Variants in TRERF1 observed in about 807,000 individuals in gnomAD.
TRERF1 encodes the protein transcriptional regulating factor 1.
In TRERF1, 27 loss-of-function variants were observed where a neutral mutation model predicts 122.9. The ratio of observed to expected loss-of-function variants is 0.22; its 90% CI spans 0.16 to 0.30. TRERF1 has a LOEUF of 0.30. Ranked by LOEUF, TRERF1 falls within the 10% of genes least tolerant of loss-of-function variation. TRERF1 has a pLI of 1.00. For missense variants in TRERF1, 1,248 were observed against 1,560.3 expected (o/e 0.80, Z 3.37); for synonymous variants, 636 against 641.7 (o/e 0.99, Z 0.13).
chr6:42,354,470 T>C (rs1770123523), intron 3 of TRERF1, among the ~76,000 whole-genome samples: 1 of 152,096 alleles, frequency 6.6e-6, no homozygotes, highest in African/African-American at 2.4e-5. Flanking sequence ...CTTTTGTTTC[T>C]AAGTAATATT....
chr6:42,420,425 C>T (rs1782595978), intron 2 of TRERF1, among the ~76,000 whole-genome samples: 1 of 152,192 alleles, frequency 6.6e-6, no homozygotes, highest in South Asian at 2.1e-4. Flanking sequence ...AGAGCTTCCC[C>T]AGCCCACACA....
rs1388747001 is a variant in TRERF1, at chr6:42,276,036, C to A, written c.-258-6188G>T. ...TCAACCAATTAAAAATGTAAAAATC[C>A]TTCTTCACTCACAGGCAGTACAAGA... On this transcript the variant is annotated intron_variant, in intron 4 of 17. Transcript: ENST00000372922. This position sits in a 1 kb window ranked among gnomAD's most constrained non-coding sequence, Gnocchi z 4.3. Among the ~76,000 whole-genome samples the A allele has an allele frequency of 2.0e-5, 3 of 150,318 alleles. No homozygotes were observed. The highest frequency in any genetic ancestry group is 4.4e-5 in the Non-Finnish European group (3 of 68,032).
chr6:42,338,030 G>C (rs1034779091), intron 3 of TRERF1, among the ~76,000 whole-genome samples: 1 of 152,160 alleles, frequency 6.6e-6, no homozygotes, highest in South Asian at 2.1e-4. Context: ...ATTTTAACAA[G>C]AGCCCCCAGG....
chr6:42,436,800 CA>C (rs775861205), intron 2 of TRERF1, among the ~76,000 whole-genome samples: 2,063 of 77,166 alleles, frequency 0.027, 32 homozygotes, highest in African/African-American at 0.043. Flanking sequence ...TCTCCCTCTA[CA>C]AAAAAAAAAA....
chr6:42,333,345 G>C (rs1765560982), intron 3 of TRERF1, among the ~76,000 whole-genome samples: 1 of 152,202 alleles, frequency 6.6e-6, no homozygotes, highest in Non-Finnish European at 1.5e-5. Context: ...CAATGCTTAA[G>C]AGCTTACTTG....
Position 42,275,365 on chromosome 6 carries a change from G to C in TRERF1, c.-258-5517C>G, listed in dbSNP as rs1040659967. ...TCGGTCAATTTCTTCCTTAGAGCAG[G>C]ACTCCAGGATTCCAGGGTGGGCTCA... On this transcript the variant is annotated intron_variant, in intron 4 of 17. Transcript: ENST00000372922. The surrounding 1 kb of genome is among the most constrained non-coding windows in gnomAD (Gnocchi z 4.1). Among the ~76,000 whole-genome samples the C allele has an allele frequency of 3.9e-5, 6 of 152,176 alleles. No individual in the cohort carries two copies. The highest frequency in any genetic ancestry group is 2.9e-5 in the Non-Finnish European group (2 of 68,030).
Position 42,393,267 on chromosome 6 carries a change from T to TGGA in TRERF1, c.-453-30189_-453-30188insTCC, listed in dbSNP as rs1778061010. Reference sequence around the variant, plus strand: ...CCTGGCCAGAAAGGCATTCCTGCCTTCATTTTGCAGATAAATAAACTGGGT... The same window carrying TGGA: ...CCTGGCCAGAAAGGCATTCCTGCCTTGGACATTTTGCAGATAAATAAACTGGGT... On this transcript the variant is annotated intron_variant, in intron 2 of 17. Transcript: ENST00000372922. The surrounding 1 kb of genome is among the most constrained non-coding windows in gnomAD (Gnocchi z 4.1). Among the ~76,000 whole-genome samples the TGGA allele has an allele frequency of 6.6e-6, 1 of 152,232 alleles. No individual in the cohort carries two copies. Among genetic ancestry groups the TGGA allele is most frequent in the Non-Finnish European group, 1.5e-5 (1 of 68,036 alleles).
intron 4 of TRERF1, among the ~76,000 whole-genome samples, chr6:42,282,386 A>G (rs1160215914): frequency 6.6e-6 from 1 of 152,172 alleles, no homozygotes; most frequent in Non-Finnish European, 1.5e-5. Flanking sequence ...TGTCTCTACA[A>G]AAAATACAAA....
intron 4 of TRERF1, among the ~76,000 whole-genome samples, chr6:42,271,376 G>A (rs1780188330): frequency 6.6e-6 from 1 of 151,942 alleles, no homozygotes; most frequent in African/African-American, 2.4e-5. Context: ...CACAATAAAT[G>A]CTGATCCTTG....
chr6:42,270,549 T>C (rs1780031637), intron 4 of TRERF1, among the ~76,000 whole-genome samples: 1 of 152,164 alleles, frequency 6.6e-6, no homozygotes, highest in African/African-American at 2.4e-5. Context: ...GAGAAATGAC[T>C]AAGACATAGG....
intron 16 of TRERF1, among the ~76,000 whole-genome samples, chr6:42,233,873 A>G (rs1484804854): frequency 1.3e-5 from 2 of 152,250 alleles, no homozygotes; most frequent in Non-Finnish European, 2.9e-5. Context: ...AGCCTTAATC[A>G]GTAGCCCATT....
chr6:42,241,491 T>C (rs112636599), intron 15 of TRERF1, among the ~76,000 whole-genome samples: 6,237 of 152,178 alleles, frequency 0.041, 433 homozygotes, highest in African/African-American at 0.14. Context: ...GATGGAGTTT[T>C]GCTCTCGTTG....
In TRERF1 at chr6:42,259,691, G is replaced by A. The variant is rs779802387; in HGVS notation, c.1917C>T (p.Pro639=). Residue 639 remains proline, a synonymous_variant, in exon 9 of 18, where the codon CCC becomes CCT. Coordinates refer to ENST00000372922, the Ensembl canonical transcript of TRERF1. This position sits in a 1 kb window ranked among gnomAD's most constrained non-coding sequence, Gnocchi z 4.9. ...CGGTCTTGAGGGGCTCCTCGGCTTTGGGCACACTCGGCTGATGCTTCCTGG... is the reference window on the plus strand; with the variant it reads ...CGGTCTTGAGGGGCTCCTCGGCTTTAGGCACACTCGGCTGATGCTTCCTGG... 1.9e-6 allele frequency: 3 copies of A among 1,605,402 alleles called. No individual in the cohort carries two copies. Among genetic ancestry groups the A allele is most frequent in the Non-Finnish European group, 2.5e-6 (3 of 1,179,968 alleles).
intron 2 of TRERF1, among the ~76,000 whole-genome samples, chr6:42,406,338 C>A (rs770811571): frequency 1.3e-5 from 2 of 152,194 alleles, no homozygotes; most frequent in Admixed American, 6.5e-5. Flanking sequence ...TTCTCTTCTG[C>A]CCCTCTCCTC....
chr6:42,238,183 A>G (rs936876486), intron 15 of TRERF1, among the ~76,000 whole-genome samples: 1 of 152,244 alleles, frequency 6.6e-6, no homozygotes, highest in Non-Finnish European at 1.5e-5. Context: ...AACATTAAGT[A>G]GCCCATGGCC....
intron 3 of TRERF1, among the ~76,000 whole-genome samples, chr6:42,327,199 C>T (rs6939796): frequency 0.18 from 28,076 of 152,030 alleles, 3,895 homozygotes; most frequent in African/African-American, 0.39. Context: ...GCTTGTTGTT[C>T]CCTGGTCCCA....
At chr6:42,298,151 T>C (rs1033182220) in intron 4 of TRERF1, among the ~76,000 whole-genome samples, 37 of 151,792 alleles carry the variant, frequency 2.4e-4, no homozygotes, top group Admixed American at 4.6e-4. Context: ...TTTTTTGTTT[T>C]TGTTTTTGTT....
chr6:42,384,894 T>G (rs1386564057), intron 2 of TRERF1, among the ~76,000 whole-genome samples: 1 of 152,092 alleles, frequency 6.6e-6, no homozygotes, highest in Non-Finnish European at 1.5e-5. Context: ...AGCCTCGACC[T>G]CCTGGGTTCA....
intron 2 of TRERF1, among the ~76,000 whole-genome samples, chr6:42,421,149 T>G (rs544562869): frequency 6.6e-6 from 1 of 152,196 alleles, no homozygotes; most frequent in Non-Finnish European, 1.5e-5. Flanking sequence ...GCCTACCTCA[T>G]TGGGTCGTTG....
Sources: allele counts gnomAD v4.1 joint callset (sites outside exome capture counted in the v4.1 genomes callset), GRCh38; gene constraint gnomAD v4.1.1; non-coding constraint Gnocchi (gnomAD v3.1); transcripts MANE v1.5; gene names NCBI Gene and HGNC (gene_info 2026-07-23, HGNC 2026-07-21).